CELF2: variants seen among roughly 807,000 people sequenced by gnomAD.
CELF2 encodes the protein CUGBP Elav-like family member 2, also known as CUG triplet repeat RNA-binding protein 2.
CELF2 carries 8 observed loss-of-function variants against 62.6 expected under a neutral mutation model. The ratio of observed to expected loss-of-function variants is 0.13; its 90% CI spans 0.07 to 0.23. The LOEUF (loss-of-function observed/expected upper bound fraction) is 0.23. Among genes scored for constraint, CELF2 ranks in the 10% least tolerant of loss-of-function variants. The pLI is 1.00. For synonymous variants in CELF2, 258 were observed against 250.0 expected, an observed-to-expected ratio of 1.03 and a Z score of -0.30; for missense variants, 333 against 671.0, an observed-to-expected ratio of 0.50 and a Z score of 5.56.
At chr10:11,052,890 C>T (rs1007085870) in intron 1 of CELF2, among the ~76,000 whole-genome samples, 1 of 152,138 alleles carries the variant, frequency 6.6e-6, no homozygotes, top group Non-Finnish European at 1.5e-5. Context: ...TGTTATTTTC[C>T]TACAATATCA....
chr10:11,055,267 G>T (rs1379326047), intron 1 of CELF2, among the ~76,000 whole-genome samples: 1 of 152,326 alleles, frequency 6.6e-6, no homozygotes, highest in African/African-American at 2.4e-5. Context: ...CAGATAGGTA[G>T]ACTATACCTT....
intron 2 of CELF2, among the ~76,000 whole-genome samples, chr10:11,202,937 CTCTCTCTCTCTCTCTG>C (rs1324711427): frequency 2.7e-4 from 23 of 84,376 alleles, no homozygotes; most frequent in African/African-American, 5.1e-4. Context: ...CTCTCTCTCT[CTCTCTCTCTCTCTCTG>C]TGTGTGTGTG....
Position 11,267,893 on chromosome 10 carries a change from C to G in CELF2, c.618+1216C>G, listed in dbSNP as rs1308623423. Reference sequence around the variant, plus strand: ...ATACCAGCATTGCAAAGCCTATTGTCTTTTTCGAACATTGATCTTGACTTT... The same window carrying G: ...ATACCAGCATTGCAAAGCCTATTGTGTTTTTCGAACATTGATCTTGACTTT... On this transcript the variant is annotated intron_variant, in intron 6 of 12. Transcript: ENST00000633077. This position sits in a 1 kb window ranked among gnomAD's most constrained non-coding sequence, Gnocchi z 4.4. Among the ~76,000 whole-genome samples the G allele has an allele frequency of 6.6e-6, 1 of 152,152 alleles. No homozygotes were observed. The highest frequency in any genetic ancestry group is 2.4e-5 in the African/African-American group (1 of 41,414).
chr10:10,712,495 T>C, the CELF2 span, among the ~76,000 whole-genome samples: 1 of 152,130 alleles, frequency 6.6e-6, no homozygotes, highest in East Asian at 1.9e-4. Flanking sequence ...CTATAAATAT[T>C]GCAAGGTTTA....
In CELF2 at chr10:11,039,488, A is replaced by T. The variant is rs1352958064; in HGVS notation, c.74+21325A>T. Reference sequence around the variant, plus strand: ...TAGTCACGGTCACAGTGTGTACTCAAAGTACCTTAAAACGAGTTCAGAGTT... The same window carrying T: ...TAGTCACGGTCACAGTGTGTACTCATAGTACCTTAAAACGAGTTCAGAGTT... On this transcript the variant is annotated intron_variant, in intron 1 of 12. Coordinates refer to ENST00000633077, the MANE Select transcript of CELF2 (RefSeq NM_001326342.2). The surrounding 1 kb of genome is among the most constrained non-coding windows in gnomAD (Gnocchi z 4.1). 1.3e-5 allele frequency among the ~76,000 whole-genome samples: 2 copies of T among 152,144 alleles called. No homozygotes were observed. Among genetic ancestry groups the T allele is most frequent in the Non-Finnish European group, 2.9e-5 (2 of 68,026 alleles).
chr10:10,738,786 T>C, the CELF2 span, among the ~76,000 whole-genome samples: 2,991 of 152,282 alleles, frequency 0.02, 46 homozygotes, highest in East Asian at 0.046. Context: ...GGAGACTTGA[T>C]GACTAAACGT....
chr10:10,775,736 T>C, the CELF2 span, among the ~76,000 whole-genome samples: 1 of 152,198 alleles, frequency 6.6e-6, no homozygotes, highest in Non-Finnish European at 1.5e-5. Context: ...AAATTGGAGA[T>C]AGGAGACCAA....
At chr10:10,713,711 T>A in the CELF2 span, among the ~76,000 whole-genome samples, 1 of 152,184 alleles carries the variant, frequency 6.6e-6, no homozygotes, top group Non-Finnish European at 1.5e-5. Context: ...GATAAACTGT[T>A]GTAAATGACT....
chr10:10,836,002 A>AGG (rs2058257104), intron 1 of CELF2, among the ~76,000 whole-genome samples: 2 of 152,202 alleles, frequency 1.3e-5, no homozygotes, highest in East Asian at 1.9e-4. Context: ...AGGTTGAAAG[A>AGG]CCAATTTTGG....
At chr10:10,875,777 C>A (rs907216760) in intron 1 of CELF2, among the ~76,000 whole-genome samples, 8 of 152,194 alleles carry the variant, frequency 5.3e-5, no homozygotes, top group Non-Finnish European at 1.0e-4. Context: ...CCATCTCCCT[C>A]TTCTGTTGAG....
intron 1 of CELF2, among the ~76,000 whole-genome samples, chr10:10,857,141 T>C (rs1025195466): frequency 6.6e-6 from 1 of 152,102 alleles, no homozygotes; most frequent in Non-Finnish European, 1.5e-5. Flanking sequence ...CTGGAGTAGC[T>C]TTGCAGAGAA....
In CELF2 at chr10:10,880,472, G is replaced by T. The variant is rs115577343; in HGVS notation, c.54-39492G>T. Among the ~76,000 whole-genome samples the T allele has an allele frequency of 7.4e-3, 1,132 of 152,248 alleles. 18 individuals are homozygous for T. Among genetic ancestry groups the T allele is most frequent in the African/African-American group, 0.026 (1,072 of 41,542 alleles). On this transcript the variant is annotated intron_variant, in intron 1 of 13. Coordinates refer to the CELF2 transcript ENST00000636488. ...CCTTAGGATGGTGAAATAGAGAAGG[G>T]TGCTAAGGAGCCTATCTCCTTAACC...
chr10:10,697,278 G>A, the CELF2 span, among the ~76,000 whole-genome samples: 5 of 152,126 alleles, frequency 3.3e-5, no homozygotes, highest in Non-Finnish European at 7.4e-5. Flanking sequence ...CAGGATGTTT[G>A]CAATGGGACA....
the CELF2 span, among the ~76,000 whole-genome samples, chr10:10,696,713 T>A: frequency 6.6e-6 from 1 of 152,058 alleles, no homozygotes; most frequent in Admixed American, 6.6e-5. Context: ...TGGTGCGCCG[T>A]TTTTTAAGCC....
rs145402724 is a variant in CELF2, at chr10:11,176,312, T to A, written c.271+10630T>A. Among the ~76,000 whole-genome samples, 257 of 152,328 alleles carry A rather than the reference T, an allele frequency of 1.7e-3. 1 individual carries two copies. Among genetic ancestry groups the A allele is most frequent in the African/African-American group, 5.9e-3 (245 of 41,574 alleles). ...CAAGGACAGAAAATGTACAGTCCTC[T>A]TATTAGCATAACGAAGCCATCAGCA... On this transcript the variant is annotated intron_variant, in intron 2 of 12. Coordinates refer to ENST00000633077, the MANE Select transcript of CELF2 (RefSeq NM_001326342.2).
intron 8 of CELF2, among the ~76,000 whole-genome samples, chr10:11,276,421 C>T (rs186462605): frequency 3.3e-4 from 50 of 152,256 alleles, no homozygotes; most frequent in Admixed American, 6.5e-4. Flanking sequence ...AGCATCTTTA[C>T]GAATATGGTT....
Position 11,182,177 on chromosome 10 carries a change from C to T in CELF2, c.271+16495C>T, listed in dbSNP as rs77373186. Among the ~76,000 whole-genome samples, 353 of 152,324 alleles carry T rather than the reference C, an allele frequency of 2.3e-3. 1 individual carries two copies. Among genetic ancestry groups the T allele is most frequent in the African/African-American group, 7.5e-3 (311 of 41,578 alleles). On this transcript the variant is annotated intron_variant, in intron 2 of 12. Transcript: ENST00000633077. ...AACCCCGCCAGACTTACAGATGTTT[C>T]GTTTGGCTCCAGTGTGAAGAACCAC...
chr10:11,059,727 G>A (rs759564589), intron 1 of CELF2, among the ~76,000 whole-genome samples: 3 of 152,148 alleles, frequency 2.0e-5, no homozygotes, highest in East Asian at 3.9e-4. Context: ...AGAGGGAAGC[G>A]CAGCCTCAGG....
the CELF2 span, among the ~76,000 whole-genome samples, chr10:10,709,949 C>T: frequency 6.6e-6 from 1 of 152,192 alleles, no homozygotes; most frequent in African/African-American, 2.4e-5. Context: ...AGCTTTCTTC[C>T]CCAGGGGACC....
Sources: allele counts gnomAD v4.1 joint callset (sites outside exome capture counted in the v4.1 genomes callset), GRCh38; gene constraint gnomAD v4.1.1; non-coding constraint Gnocchi (gnomAD v3.1); transcripts MANE v1.5; gene names NCBI Gene and HGNC (gene_info 2026-07-23, HGNC 2026-07-21).